The following RFTN2 variants were observed in gnomAD, a reference collection of about 807,000 sequenced individuals.
The protein encoded by RFTN2 is raftlin family member 2.
In RFTN2, 34 loss-of-function variants were observed where a neutral mutation model predicts 52.7. The ratio of observed to expected loss-of-function variants is 0.64; its 90% CI spans 0.49 to 0.86. The LOEUF is 0.86. RFTN2 is among the 40% of genes least tolerant of loss of function. RFTN2 has a pLI of 0.00. For synonymous variants in RFTN2, 203 were observed against 217.7 expected, an observed-to-expected ratio of 0.93 and a Z score of 0.59; for missense variants, 536 against 600.1, an observed-to-expected ratio of 0.89 and a Z score of 1.12.
intron 3 of RFTN2, among the ~76,000 whole-genome samples, chr2:197,640,934 T>C (rs2106246144): frequency 6.6e-6 from 1 of 152,340 alleles, no homozygotes; most frequent in Non-Finnish European, 1.5e-5. Flanking sequence ...AAGGCTGACG[T>C]AGGGGACTGT....
In RFTN2 at chr2:197,615,986, G is replaced by A; in HGVS notation, c.1051-7C>T. 6.6e-7 allele frequency: 1 copy of A among 1,516,956 alleles called. No individual in the cohort carries two copies. The highest frequency in any genetic ancestry group is 9.0e-7 in the Non-Finnish European group (1 of 1,114,972). The allele number at this position is 1,516,956 out of a possible 1,614,324, so 94.0% of individuals were successfully genotyped here. ...CTGTTTTGATTTCACATCCCTGCAT[G>A]AATAAGTATAAGAGCTCATAGTCTA... On this transcript the variant is annotated splice_region_variant and splice_polypyrimidine_tract_variant and intron_variant, in intron 6 of 8. Coordinates refer to ENST00000295049, the MANE Select transcript of RFTN2 (RefSeq NM_144629.3).
chr2:197,623,956 G>A (rs1034588429), intron 5 of RFTN2, among the ~76,000 whole-genome samples: 1 of 151,898 alleles, frequency 6.6e-6, no homozygotes, highest in South Asian at 2.1e-4. Context: ...GAGCCACCAC[G>A]GCTGGCAAAT....
At chr2:197,592,037 G>A (rs2087724507) in intron 8 of RFTN2, among the ~76,000 whole-genome samples, 1 of 152,216 alleles carries the variant, frequency 6.6e-6, no homozygotes, top group Non-Finnish European at 1.5e-5. Context: ...GGCTCCTCAA[G>A]TGTGGCCAGA....
intron 7 of RFTN2, among the ~76,000 whole-genome samples, chr2:197,608,214 C>A (rs1450599805): frequency 6.6e-6 from 1 of 152,066 alleles, no homozygotes; most frequent in Admixed American, 6.6e-5. Context: ...GCCTGTTCTA[C>A]AGGGGCTGCA....
At chr2:197,595,462 C>T (rs1365096817) in intron 8 of RFTN2, among the ~76,000 whole-genome samples, 1 of 152,104 alleles carries the variant, frequency 6.6e-6, no homozygotes, top group Non-Finnish European at 1.5e-5. Flanking sequence ...GTTTATATAC[C>T]ATTTTAACAA....
At chr2:197,633,142 ACT>A (rs776647433) in intron 4 of RFTN2, among the ~76,000 whole-genome samples, 2 of 152,134 alleles carry the variant, frequency 1.3e-5, no homozygotes, top group Non-Finnish European at 2.9e-5. Flanking sequence ...TGAATAAAAT[ACT>A]CTCAGTTTCT....
At chr2:197,655,342 T>A (rs1430053299) in intron 1 of RFTN2, among the ~76,000 whole-genome samples, 1 of 152,214 alleles carries the variant, frequency 6.6e-6, no homozygotes, top group Non-Finnish European at 1.5e-5. Flanking sequence ...AATCCACATC[T>A]TCTTGCACTC....
At chr2:197,657,154 A>G (rs532028366) in intron 1 of RFTN2, among the ~76,000 whole-genome samples, 72 of 152,298 alleles carry the variant, frequency 4.7e-4, no homozygotes, top group Non-Finnish European at 6.8e-4. Context: ...ATGAGCTACT[A>G]TTCCTGGCCA....
At chr2:197,575,887 AAT>A (rs1430870696) in intron 8 of RFTN2, among the ~76,000 whole-genome samples, 2 of 130,260 alleles carry the variant, frequency 1.5e-5, no homozygotes, top group South Asian at 2.2e-4. Context: ...TATTATATAT[AAT>A]ATATATAATA....
At chr2:197,596,596 T>A (rs1015117308) in intron 7 of RFTN2, among the ~76,000 whole-genome samples, 77 of 152,236 alleles carry the variant, frequency 5.1e-4, no homozygotes, top group African/African-American at 1.8e-3. Context: ...TTCTTGCCAG[T>A]TATAAATATA....
At chr2:197,621,401 G>T (rs1432182034) in intron 5 of RFTN2, among the ~76,000 whole-genome samples, 31 of 122,588 alleles carry the variant, frequency 2.5e-4, no homozygotes, top group African/African-American at 2.8e-4. Context: ...GCAGATACCG[G>T]TTTTTTTTTT....
intron 3 of RFTN2, among the ~76,000 whole-genome samples, chr2:197,641,492 T>C (rs1195300795): frequency 6.6e-6 from 1 of 152,200 alleles, no homozygotes; most frequent in African/African-American, 2.4e-5. Context: ...CTAGGTCTTG[T>C]TAGTTGATTT....
At chr2:197,667,617 A>G (rs1009085764) in intron 1 of RFTN2, among the ~76,000 whole-genome samples, 5 of 152,188 alleles carry the variant, frequency 3.3e-5, no homozygotes, top group African/African-American at 7.2e-5. Flanking sequence ...GGATGTATCT[A>G]TGGTGTCGGT....
intron 8 of RFTN2, among the ~76,000 whole-genome samples, chr2:197,593,179 T>C (rs1278518365): frequency 6.6e-6 from 1 of 152,166 alleles, no homozygotes; most frequent in Non-Finnish European, 1.5e-5. Flanking sequence ...TAATTTTACA[T>C]TTCAGTGAAA....
In RFTN2 at chr2:197,644,222, A is replaced by G. The variant is rs1184758656; in HGVS notation, c.374T>C (p.Ile125Thr). The change falls in exon 3 of 9, where the codon ATT (isoleucine) becomes ACT (threonine). Residue 125 changes from isoleucine to threonine, a missense_variant. Physicochemically the swap from Ile to Thr is moderately conservative, Grantham distance 89. Transcript: ENST00000295049. ...PSGQRRPRLV[I>T]EECPLTSEAQ... The stretch of plus-strand genomic sequence containing the variant: ...CTCAGAAGTTAGGGGACATTCCTCA[A>G]TCACGAGCCTTGGGCGTCTTTGTCC... 4 of 1,613,556 alleles carry G rather than the reference A, an allele frequency of 2.5e-6. No homozygotes were observed. The highest frequency in any genetic ancestry group is 3.4e-6 in the Non-Finnish European group (4 of 1,179,608).
chr2:197,667,413 T>C (rs1462041529), intron 1 of RFTN2, among the ~76,000 whole-genome samples: 5 of 152,268 alleles, frequency 3.3e-5, no homozygotes, highest in African/African-American at 1.2e-4. Flanking sequence ...GTTAATAATT[T>C]GAATTCTCTT....
At chr2:197,617,541 A>G (rs1261432017) in intron 6 of RFTN2, among the ~76,000 whole-genome samples, 1 of 151,974 alleles carries the variant, frequency 6.6e-6, no homozygotes, top group Non-Finnish European at 1.5e-5. Context: ...TTAGATGAGT[A>G]TGGTGGTGCA....
intron 8 of RFTN2, among the ~76,000 whole-genome samples, chr2:197,590,151 TG>T (rs2087679274): frequency 6.6e-6 from 1 of 152,052 alleles, no homozygotes; most frequent in South Asian, 2.1e-4. Flanking sequence ...GTGATCCTCC[TG>T]CCTCAGGCTC....
intron 7 of RFTN2, among the ~76,000 whole-genome samples, chr2:197,599,014 C>G (rs1468744302): frequency 6.6e-6 from 1 of 151,544 alleles, no homozygotes; most frequent in Non-Finnish European, 1.5e-5. Flanking sequence ...TGCAGTGGCA[C>G]GACCTCGGCT....
Sources: gnomAD v4.1 joint callset for allele counts (sites outside exome capture counted in the v4.1 genomes callset) on GRCh38, gnomAD v4.1.1 for gene constraint, MANE v1.5 for transcripts, NCBI Gene and HGNC (gene_info 2026-07-23, HGNC 2026-07-21) for gene names.